Variants in INSL6 observed in about 807,000 individuals in gnomAD.
The protein encoded by INSL6 is insulin like 6, also known as insulin-like peptide INSL6.
In INSL6, 16 loss-of-function variants were observed where a neutral mutation model predicts 9.4. The ratio of observed to expected loss-of-function variants is 1.70; its 90% confidence interval spans 1.15 to 2.59. INSL6 has a LOEUF of 2.59. Ranked by LOEUF, INSL6 falls within the 30% of genes most tolerant of loss-of-function variation. The probability of loss-of-function intolerance (pLI) is 0.00; values close to 1 mark genes in which losing one functional copy is unlikely to be tolerated. For missense variants in INSL6, 391 were observed against 257.3 expected (o/e 1.52, Z -3.56); for synonymous variants, 154 against 96.9 (o/e 1.59, Z -3.46).
At chr9:5,118,770 G>A in the INSL6 span, among the ~76,000 whole-genome samples, 1 of 152,050 alleles carries the variant, frequency 6.6e-6, no homozygotes, top group Non-Finnish European at 1.5e-5. Flanking sequence ...CAGGAAAAAA[G>A]TACAGTAATA....
chr9:5,090,346 A>C, the INSL6 span: 1 of 868,258 alleles, frequency 1.2e-6, no homozygotes, highest in African/African-American at 1.8e-5. Context: ...GTCATCTTAG[A>C]TTTCATATAT....
the INSL6 span, among the ~76,000 whole-genome samples, chr9:5,061,869 C>A: frequency 6.6e-6 from 1 of 152,144 alleles, no homozygotes; most frequent in African/African-American, 2.4e-5. Flanking sequence ...ATGGGTGAAT[C>A]TTCCTTTCAC....
intron 1 of INSL6, among the ~76,000 whole-genome samples, chr9:5,180,530 G>A (rs1421737100): frequency 6.6e-6 from 1 of 152,126 alleles, no homozygotes; most frequent in Non-Finnish European, 1.5e-5. Flanking sequence ...TACTACTGGA[G>A]GGAGGTCTAT....
rs751885775 is a variant in INSL6, at chr9:5,164,234, A to G, written c.321T>C (p.Ser107=). The G allele has an allele frequency of 1.2e-6, 2 of 1,606,260 alleles. No individual in the cohort carries two copies. Among genetic ancestry groups the G allele is most frequent in the African/African-American group, 1.3e-5 (1 of 74,700 alleles). The stretch of plus-strand genomic sequence containing the variant: ...ACTCAGGTAGTGACTGCATTTCCCA[A>G]CTGTTTACTGCTTCTTCCCAAGAAG... The part of the protein sequence containing the change: ...VSTSWEEAVN[S]WEMQSLPEYK... The change falls in exon 2 of 2, where the codon AGT becomes AGC. Residue 107 remains serine, a synonymous_variant. Coordinates refer to ENST00000381641, the MANE Select transcript of INSL6 (RefSeq NM_007179.3).
the INSL6 span, among the ~76,000 whole-genome samples, chr9:5,073,385 C>T: frequency 1.3e-5 from 2 of 152,168 alleles, no homozygotes; most frequent in Non-Finnish European, 2.9e-5. Flanking sequence ...CTGACATCTA[C>T]CTCTAGTTGT....
chr9:5,172,678 C>A (rs1244276176), intron 1 of INSL6, among the ~76,000 whole-genome samples: 1 of 152,174 alleles, frequency 6.6e-6, no homozygotes, highest in East Asian at 1.9e-4. Flanking sequence ...CCTGTAATCC[C>A]AGCACTTTGG....
At chr9:5,091,748 G>C in the INSL6 span, 5 of 152,140 alleles carry the variant, frequency 3.3e-5, no homozygotes, top group Non-Finnish European at 7.4e-5. Context: ...TTTGGCTTAT[G>C]AATAGGCTTA....
the INSL6 span, among the ~76,000 whole-genome samples, chr9:5,010,771 C>A: frequency 9.9e-4 from 151 of 152,188 alleles, no homozygotes; most frequent in African/African-American, 3.5e-3. Context: ...TTTATCAGTT[C>A]TTGAGTGTGA....
chr9:5,117,015 T>C, the INSL6 span, among the ~76,000 whole-genome samples: 1 of 152,188 alleles, frequency 6.6e-6, no homozygotes, highest in East Asian at 1.9e-4. Flanking sequence ...TTAAGGCCCT[T>C]ATAAGAGGCT....
At chr9:5,050,840 C>G in the INSL6 span, 279 of 1,610,560 alleles carry the variant, frequency 1.7e-4, no homozygotes, top group Non-Finnish European at 1.9e-4. Context: ...AGGTAATTTT[C>G]TTTTGCAAAT....
the INSL6 span, among the ~76,000 whole-genome samples, chr9:5,084,555 A>T: frequency 5.3e-5 from 8 of 152,144 alleles, no homozygotes; most frequent in Non-Finnish European, 7.4e-5. Flanking sequence ...TTTTTTAAAA[A>T]ATATTTTCAT....
At chr9:5,048,406 G>C in the INSL6 span, among the ~76,000 whole-genome samples, 2 of 152,146 alleles carry the variant, frequency 1.3e-5, no homozygotes, top group African/African-American at 4.8e-5. Flanking sequence ...CTTCTAAAGT[G>C]CTGGGATTAC....
chr9:5,116,845 A>G, the INSL6 span, among the ~76,000 whole-genome samples: 4 of 152,244 alleles, frequency 2.6e-5, no homozygotes, highest in African/African-American at 9.6e-5. Flanking sequence ...TCATATGTAT[A>G]ATATGGCACT....
the INSL6 span, among the ~76,000 whole-genome samples, chr9:5,007,698 T>C: frequency 2.0e-5 from 3 of 151,658 alleles, no homozygotes; most frequent in African/African-American, 7.3e-5. Flanking sequence ...AGTCTAATAA[T>C]GAGAATTATT....
chr9:5,106,122 C>G, the INSL6 span, among the ~76,000 whole-genome samples: 1 of 152,030 alleles, frequency 6.6e-6, no homozygotes, highest in Non-Finnish European at 1.5e-5. Flanking sequence ...AGTGGACAGG[C>G]AACCTACAGA....
the INSL6 span, chr9:5,080,755 T>A: frequency 1.7e-6 from 2 of 1,167,096 alleles, no homozygotes; most frequent in South Asian, 4.3e-5. Flanking sequence ...CATTACTAAT[T>A]TTTAATTCCT....
chr9:5,139,077 C>T (rs1421229931), intron 2 of INSL6, among the ~76,000 whole-genome samples: 1 of 152,054 alleles, frequency 6.6e-6, no homozygotes, highest in Non-Finnish European at 1.5e-5. Flanking sequence ...TCAAACAGAA[C>T]ATTTTTGAGA....
chr9:5,084,482 G>GAT, the INSL6 span, among the ~76,000 whole-genome samples: 7 of 151,938 alleles, frequency 4.6e-5, no homozygotes, highest in Non-Finnish European at 8.8e-5. Context: ...TCCAAAGAGG[G>GAT]ATATATATTT....
the INSL6 span, among the ~76,000 whole-genome samples, chr9:5,010,989 T>G: frequency 1.3e-5 from 2 of 152,216 alleles, no homozygotes; most frequent in Non-Finnish European, 2.9e-5. Context: ...TGAAGCGATG[T>G]CAGTTCTATT....
Sources: gnomAD v4.1 joint callset for allele counts (sites outside exome capture counted in the v4.1 genomes callset) on GRCh38, gnomAD v4.1.1 for gene constraint, MANE v1.5 for transcripts, NCBI Gene and HGNC (gene_info 2026-07-23, HGNC 2026-07-21) for gene names.